ENTREP2: variants seen among roughly 807,000 people sequenced by gnomAD.
ENTREP2 encodes protein ENTREP2.
the ENTREP2 span, among the ~76,000 whole-genome samples, chr15:29,395,780 T>C: frequency 6.6e-6 from 1 of 151,972 alleles, no homozygotes; most frequent in African/African-American, 2.4e-5. Flanking sequence ...ACGATCCTCC[T>C]GCCTGGGCCT....
the ENTREP2 span, among the ~76,000 whole-genome samples, chr15:29,565,782 G>T: frequency 2.0e-5 from 3 of 151,846 alleles, no homozygotes; most frequent in Non-Finnish European, 4.4e-5. Context: ...GCTAACACGG[G>T]GAAACCCCAT....
chr15:29,626,898 CAAATAA>C, the ENTREP2 span, among the ~76,000 whole-genome samples: 4 of 152,060 alleles, frequency 2.6e-5, no homozygotes, highest in African/African-American at 9.7e-5. Flanking sequence ...AATAAAAAAA[CAAATAA>C]AAATAAACTG....
At chr15:29,128,926 C>A in the ENTREP2 span, 4 of 1,170,816 alleles carry the variant, frequency 3.4e-6, no homozygotes, top group Non-Finnish European at 4.9e-6. Context: ...ACAGCAGCCT[C>A]CAGTAGTGTA....
At chr15:29,149,059 T>C in the ENTREP2 span, among the ~76,000 whole-genome samples, 1 of 152,078 alleles carries the variant, frequency 6.6e-6, no homozygotes, top group East Asian at 1.9e-4. Flanking sequence ...GTATTTTTAG[T>C]AGAGACGGGG....
chr15:29,491,939 T>C, the ENTREP2 span, among the ~76,000 whole-genome samples: 1 of 152,210 alleles, frequency 6.6e-6, no homozygotes, highest in African/African-American at 2.4e-5. Context: ...AGCTAGACCT[T>C]TTCCTGCACT....
chr15:29,654,645 C>G, the ENTREP2 span, among the ~76,000 whole-genome samples: 1 of 152,172 alleles, frequency 6.6e-6, no homozygotes, highest in African/African-American at 2.4e-5. Flanking sequence ...TGTAAGGTAT[C>G]TTTCCTTATC....
the ENTREP2 span, among the ~76,000 whole-genome samples, chr15:29,347,098 A>C: frequency 6.6e-6 from 1 of 152,226 alleles, no homozygotes; most frequent in Non-Finnish European, 1.5e-5. Flanking sequence ...CCCTGTTTAA[A>C]TGCAATCCAA....
chr15:29,176,021 G>A, the ENTREP2 span, among the ~76,000 whole-genome samples: 1 of 152,242 alleles, frequency 6.6e-6, no homozygotes, highest in Non-Finnish European at 1.5e-5. Context: ...AGCCCAGGCA[G>A]ATTAAGGACG....
At chr15:29,179,892 G>A in the ENTREP2 span, among the ~76,000 whole-genome samples, 1 of 152,064 alleles carries the variant, frequency 6.6e-6, no homozygotes, top group Non-Finnish European at 1.5e-5. Flanking sequence ...GCCAGGGCTG[G>A]AGTCTTAAAC....
chr15:29,367,144 C>A, the ENTREP2 span, among the ~76,000 whole-genome samples: 1 of 152,326 alleles, frequency 6.6e-6, no homozygotes, highest in South Asian at 2.1e-4. Flanking sequence ...AGAGCTGAAT[C>A]TCGGTAAGAA....
the ENTREP2 span, among the ~76,000 whole-genome samples, chr15:29,392,021 G>A: frequency 1.3e-5 from 2 of 152,154 alleles, no homozygotes; most frequent in East Asian, 1.9e-4. Context: ...GTAGAGACAG[G>A]GTTTCACTGT....
chr15:29,464,298 G>A, the ENTREP2 span, among the ~76,000 whole-genome samples: 7 of 152,066 alleles, frequency 4.6e-5, no homozygotes, highest in African/African-American at 1.7e-4. Context: ...GCTGAGAAAC[G>A]TGGAAGTGGG....
the ENTREP2 span, among the ~76,000 whole-genome samples, chr15:29,283,778 G>A: frequency 6.6e-6 from 1 of 152,140 alleles, no homozygotes; most frequent in Non-Finnish European, 1.5e-5. Context: ...GATATTATTA[G>A]AGCACAAAAA....
the ENTREP2 span, among the ~76,000 whole-genome samples, chr15:29,601,573 G>A: frequency 2.0e-5 from 3 of 151,946 alleles, no homozygotes; most frequent in South Asian, 2.1e-4. Context: ...TCCGAAGGTG[G>A]CAGGGTCAAC....
At chr15:29,628,223 A>G in the ENTREP2 span, among the ~76,000 whole-genome samples, 4 of 152,134 alleles carry the variant, frequency 2.6e-5, no homozygotes, top group Non-Finnish European at 4.4e-5. Flanking sequence ...TTTCTCTAGT[A>G]ATAATGTTTA....
chr15:29,571,826 A>T, the ENTREP2 span, among the ~76,000 whole-genome samples: 1 of 152,022 alleles, frequency 6.6e-6, no homozygotes, highest in Admixed American at 6.6e-5. Context: ...CAACTTTAAG[A>T]CTCTGCTTGT....
At chr15:29,251,978 T>C in the ENTREP2 span, among the ~76,000 whole-genome samples, 2 of 152,324 alleles carry the variant, frequency 1.3e-5, no homozygotes, top group South Asian at 2.1e-4. Flanking sequence ...CAGCATAATA[T>C]GTACATCAGC....
chr15:29,176,186 T>C, the ENTREP2 span, among the ~76,000 whole-genome samples: 1 of 152,178 alleles, frequency 6.6e-6, no homozygotes, highest in African/African-American at 2.4e-5. Flanking sequence ...ATATTCTAAC[T>C]CTTCCTTAAA....
chr15:29,339,861 C>T, the ENTREP2 span, among the ~76,000 whole-genome samples: 5 of 152,206 alleles, frequency 3.3e-5, no homozygotes, highest in Admixed American at 1.3e-4. Flanking sequence ...GCCCAGTAGG[C>T]GGCTCAACTG....
Sources: allele counts gnomAD v4.1 joint callset (sites outside exome capture counted in the v4.1 genomes callset), GRCh38; gene constraint gnomAD v4.1.1; transcripts MANE v1.5; gene names NCBI Gene and HGNC (gene_info 2026-07-23, HGNC 2026-07-21).